Variants in CAMK4 observed in about 807,000 individuals in gnomAD.
CAMK4 encodes the protein calcium/calmodulin dependent protein kinase IV.
Under a neutral mutation model 44.9 loss-of-function variants are expected in CAMK4, and 22 were observed. The ratio of observed to expected loss-of-function variants is 0.49; its 90% CI spans 0.35 to 0.70. The LOEUF is 0.70. Among genes scored for constraint, CAMK4 ranks in the 30% least tolerant of loss-of-function variants. The pLI is 0.01. For synonymous variants in CAMK4, 218 were observed against 215.4 expected (o/e 1.01, Z -0.11); for missense variants, 498 against 586.8 (o/e 0.85, Z 1.56).
chr5:111,273,609 C>T (rs1005592981), intron 1 of CAMK4, among the ~76,000 whole-genome samples: 2 of 146,558 alleles, frequency 1.4e-5, no homozygotes, highest in African/African-American at 5.0e-5. Flanking sequence ...TTCTCTGTCC[C>T]AGAGTTTTTT....
At chr5:111,322,872 A>G (rs916033368) in intron 1 of CAMK4, among the ~76,000 whole-genome samples, 4 of 152,144 alleles carry the variant, frequency 2.6e-5, no homozygotes, top group African/African-American at 9.6e-5. Context: ...GAAATTTAAA[A>G]TGAATAAGCT....
At chr5:111,477,210 G>A (rs1755277251) in intron 8 of CAMK4, among the ~76,000 whole-genome samples, 1 of 152,168 alleles carries the variant, frequency 6.6e-6, no homozygotes, top group Admixed American at 6.5e-5. Flanking sequence ...AGAACACATT[G>A]GCCCAGGGGT....
At chr5:111,468,792 A>G (rs1322444332) in intron 7 of CAMK4, among the ~76,000 whole-genome samples, 2 of 152,144 alleles carry the variant, frequency 1.3e-5, no homozygotes, top group African/African-American at 4.8e-5. Flanking sequence ...AGCCTGACCA[A>G]CATGGTGAAA....
chr5:111,445,471 C>G (rs1309032324), intron 5 of CAMK4, among the ~76,000 whole-genome samples: 2 of 151,992 alleles, frequency 1.3e-5, no homozygotes, highest in African/African-American at 4.8e-5. Flanking sequence ...CTCTATCACC[C>G]AGGCTGGAGT....
At chr5:111,462,217 A>G (rs1754669482) in intron 7 of CAMK4, among the ~76,000 whole-genome samples, 1 of 152,176 alleles carries the variant, frequency 6.6e-6, no homozygotes, top group Non-Finnish European at 1.5e-5. Context: ...TAGATCCTCT[A>G]CATCTCAGTT....
At chr5:111,410,886 G>A (rs1752608991) in intron 5 of CAMK4, among the ~76,000 whole-genome samples, 1 of 152,070 alleles carries the variant, frequency 6.6e-6, no homozygotes, top group Non-Finnish European at 1.5e-5. Context: ...TTATTAAACA[G>A]TAATAGCCAC....
rs766081276 is a variant in CAMK4, at chr5:111,394,700, T to A, written c.387-10T>A. Reference sequence around the variant, plus strand: ...GTGCCTGAGAAGCATTTCCTTTCTTTTTGTTCCAGGATTGTGGAAAAGGGA... The same window carrying A: ...GTGCCTGAGAAGCATTTCCTTTCTTATTGTTCCAGGATTGTGGAAAAGGGA... On this transcript the variant is annotated splice_polypyrimidine_tract_variant and intron_variant, in intron 4 of 10. Transcript: ENST00000282356. The A allele has an allele frequency of 4.4e-6, 7 of 1,600,676 alleles. No individual in the cohort carries two copies. In the Admixed American group the frequency reaches 1.2e-4, roughly 27 times the overall value.
At chr5:111,429,943 A>G (rs6892827) in intron 5 of CAMK4, among the ~76,000 whole-genome samples, 1,978 of 149,674 alleles carry the variant, frequency 0.013, 47 homozygotes, top group African/African-American at 0.046. Flanking sequence ...ATAGAAGAGG[A>G]GGGAATACCT....
chr5:111,389,006 A>G (rs1437377377), intron 4 of CAMK4, among the ~76,000 whole-genome samples: 7 of 152,220 alleles, frequency 4.6e-5, no homozygotes, highest in Non-Finnish European at 7.3e-5. Context: ...CACAGGCACT[A>G]TCTTAGACCT....
At chr5:111,429,032 A>G (rs1753333896) in intron 5 of CAMK4, among the ~76,000 whole-genome samples, 2 of 152,366 alleles carry the variant, frequency 1.3e-5, no homozygotes, top group Admixed American at 6.5e-5. Flanking sequence ...TACCTACATC[A>G]GAAAAGAGGA....
intron 4 of CAMK4, among the ~76,000 whole-genome samples, chr5:111,386,967 C>G (rs1751627411): frequency 6.6e-6 from 1 of 152,204 alleles, no homozygotes; most frequent in Admixed American, 6.5e-5. Context: ...TCTGAGCCCT[C>G]TGGCCTAGCC....
At chr5:111,401,170 G>A (rs542955575) in intron 5 of CAMK4, among the ~76,000 whole-genome samples, 128 of 152,046 alleles carry the variant, frequency 8.4e-4, no homozygotes, top group Non-Finnish European at 1.3e-3. Context: ...ACAGAGTCTC[G>A]CTCTGTCGCC....
chr5:111,259,358 T>TA (rs992697417), intron 1 of CAMK4, among the ~76,000 whole-genome samples: 11 of 152,168 alleles, frequency 7.2e-5, no homozygotes, highest in African/African-American at 2.2e-4. Context: ...GTAGCAATGA[T>TA]AAAAAACAAT....
chr5:111,239,844 G>C (rs188832247), intron 1 of CAMK4, among the ~76,000 whole-genome samples: 1 of 152,222 alleles, frequency 6.6e-6, no homozygotes, highest in Admixed American at 6.5e-5. Flanking sequence ...CTGGAAATGC[G>C]TTGGCAGGAG....
chr5:111,360,874 T>A (rs999064845), intron 2 of CAMK4, among the ~76,000 whole-genome samples: 2 of 152,068 alleles, frequency 1.3e-5, no homozygotes, highest in Admixed American at 6.6e-5. Context: ...ACAAAGAAAT[T>A]TTTTTTATCA....
At chr5:111,385,684 C>T (rs1751575290) in intron 4 of CAMK4, among the ~76,000 whole-genome samples, 1 of 152,132 alleles carries the variant, frequency 6.6e-6, no homozygotes, top group South Asian at 2.1e-4. Context: ...CTCCATTTTC[C>T]TGCCTTAGCC....
chr5:111,370,925 A>ACAAAAC (rs1750980618), intron 2 of CAMK4, among the ~76,000 whole-genome samples: 1 of 151,676 alleles, frequency 6.6e-6, no homozygotes, highest in African/African-American at 2.4e-5. Context: ...AAAAACAAAA[A>ACAAAAC]CAAAAACAAC....
At chr5:111,477,255 T>C (rs539585599) in intron 8 of CAMK4, among the ~76,000 whole-genome samples, 15 of 152,326 alleles carry the variant, frequency 9.8e-5, no homozygotes, top group African/African-American at 3.4e-4. Context: ...TCTCACTGGC[T>C]CCAGAATATC....
intron 5 of CAMK4, among the ~76,000 whole-genome samples, chr5:111,401,487 A>G (rs1482707744): frequency 6.6e-6 from 1 of 151,948 alleles, no homozygotes; most frequent in African/African-American, 2.4e-5. Context: ...AGTTACAACC[A>G]GAAGAATCTA....
Sources: allele counts gnomAD v4.1 joint callset (sites outside exome capture counted in the v4.1 genomes callset), GRCh38; gene constraint gnomAD v4.1.1; transcripts MANE v1.5; gene names NCBI Gene and HGNC (gene_info 2026-07-23, HGNC 2026-07-21).